Variants in CPAMD8 observed in about 807,000 individuals in gnomAD.
CPAMD8 encodes the protein C3 and PZP like alpha-2-macroglobulin domain containing 8, also known as C3 and PZP-like alpha-2-macroglobulin domain-containing protein 8.
A neutral mutation model predicts 224.7 loss-of-function variants in CPAMD8; 146 were observed. The observed-to-expected ratio is 0.65, with a 90% confidence interval of 0.57 to 0.75. The LOEUF is 0.75. Among genes scored for constraint, CPAMD8 ranks in the 30% least tolerant of loss-of-function variants. The pLI is 0.00. For synonymous variants in CPAMD8, 966 were observed against 1,044.6 expected (o/e 0.92, Z 1.45); for missense variants, 2,301 against 2,537.5 (o/e 0.91, Z 2.00).
chr19:17,012,264 C>T (rs1350631017), intron 3 of CPAMD8, among the ~76,000 whole-genome samples: 1 of 152,104 alleles, frequency 6.6e-6, no homozygotes, highest in Non-Finnish European at 1.5e-5. Flanking sequence ...AGCAATCCAT[C>T]TGCCTCAGCC....
At chr19:16,945,982 TACAAATATGTGTGTGC>T (rs2054063104) in intron 21 of CPAMD8, among the ~76,000 whole-genome samples, 1 of 151,998 alleles carries the variant, frequency 6.6e-6, no homozygotes, top group African/African-American at 2.4e-5. Context: ...TTTGTGTGTG[TACAAATATGTGTGTGC>T]ATATGCATGT....
chr19:16,995,337 G>A (rs909235155), intron 11 of CPAMD8, among the ~76,000 whole-genome samples: 3 of 152,198 alleles, frequency 2.0e-5, no homozygotes, highest in Admixed American at 1.3e-4. Flanking sequence ...GGGCTCTGTT[G>A]GCCTTGCCCC....
intron 17 of CPAMD8, among the ~76,000 whole-genome samples, chr19:16,974,132 T>G (rs2055167242): frequency 6.6e-6 from 1 of 151,332 alleles, no homozygotes; most frequent in African/African-American, 2.4e-5. Context: ...TCAGCCAGCA[T>G]TAGCCCTTTT....
intron 22 of CPAMD8, among the ~76,000 whole-genome samples, chr19:16,939,955 C>T (rs1248102625): frequency 1.3e-5 from 2 of 151,946 alleles, no homozygotes; most frequent in East Asian, 3.9e-4. Flanking sequence ...CTCTGTTGCC[C>T]AGGCTGGAGT....
In CPAMD8 at chr19:16,921,937, C is replaced by T. The variant is rs760983433; in HGVS notation, c.3597G>A (p.Ala1199=). 1.3e-5 allele frequency: 20 copies of T among 1,547,154 alleles called. No homozygotes were observed. In the East Asian group the frequency reaches 1.7e-4, roughly 13 times the overall value. ...TCCCCGATGCGTCCCGCTCCCCAAA[C>T]GCGCTGTAGGAGCCATCCTGGCGCT... ...TYKRQDGSYS[A]FGERDASGSM... The change falls in exon 27 of 42, where the codon GCG becomes GCA. Residue 1199 remains alanine (A), a synonymous_variant. Transcript: ENST00000443236.
intron 18 of CPAMD8, among the ~76,000 whole-genome samples, chr19:16,966,651 A>T (rs1475947436): frequency 6.6e-6 from 1 of 152,206 alleles, no homozygotes; most frequent in African/African-American, 2.4e-5. Flanking sequence ...TACAAGAAAA[A>T]AACAAACAAC....
intron 15 of CPAMD8, 66 bp downstream of exon 15, chr19:16,977,302 G>A (rs973390598): frequency 5.7e-6 from 6 of 1,058,948 alleles, no homozygotes; most frequent in African/African-American, 4.8e-5. Flanking sequence ...AGACCCCCTG[G>A]CCAGCACCTT....
intron 11 of CPAMD8, among the ~76,000 whole-genome samples, chr19:16,995,393 T>C (rs1052395856): frequency 6.6e-6 from 1 of 151,012 alleles, no homozygotes; most frequent in Non-Finnish European, 1.5e-5. Context: ...GGTTTGTTTT[T>C]GTTTTTTGTT....
chr19:16,896,547 C>A lies in CPAMD8; in HGVS notation c.5184G>T (p.Gly1728=). Residue 1728 remains glycine (G), a synonymous_variant, in exon 40 of 42, where the codon GGG becomes GGT. Transcript: ENST00000443236. ...AQGNPVCGSD[G]VVYASACRLR... is the part of the protein sequence containing the mutation. ...GGCGGCAGGCGCTGGCGTAGACCAC[C>A]CCGTCGGAGCCGCACACCGGGTTCC... is the stretch of plus-strand genomic sequence containing the variant. The A allele has an allele frequency of 6.7e-7, 1 of 1,497,602 alleles. No homozygotes were observed. The highest frequency in any genetic ancestry group is 8.8e-7 in the Non-Finnish European group (1 of 1,130,318). The allele number at this position is 1,497,602 out of a possible 1,614,324, so 92.8% of individuals were successfully genotyped here.
At chr19:17,015,731 G>T (rs1313145824) in intron 3 of CPAMD8, among the ~76,000 whole-genome samples, 1 of 152,206 alleles carries the variant, frequency 6.6e-6, no homozygotes, top group East Asian at 1.9e-4. Context: ...AGGGAGGAAA[G>T]GTCCCGGCCA....
At chr19:16,956,208 C>A (rs1303538099) in intron 19 of CPAMD8, among the ~76,000 whole-genome samples, 1 of 152,132 alleles carries the variant, frequency 6.6e-6, no homozygotes, top group Non-Finnish European at 1.5e-5. Context: ...CTCCTCAGCT[C>A]CTTCCATCTC....
intron 19 of CPAMD8, among the ~76,000 whole-genome samples, chr19:16,955,974 G>T (rs1033437272): frequency 6.6e-6 from 1 of 152,072 alleles, no homozygotes; most frequent in Non-Finnish European, 1.5e-5. Context: ...ACCACACCCC[G>T]CCTTTAAACG....
At chr19:17,018,029 TAAA>T (rs35265697) in intron 3 of CPAMD8, among the ~76,000 whole-genome samples, 3 of 132,892 alleles carry the variant, frequency 2.3e-5, no homozygotes, top group Admixed American at 7.7e-5. Context: ...CAAGACTGCT[TAAA>T]AAAAAAAAAA....
intron 41 of CPAMD8, chr19:16,895,925 A>AAGCGCG (rs1555750225): frequency 1.9e-6 from 1 of 530,042 alleles, no homozygotes; most frequent in East Asian, 3.4e-5. Flanking sequence ...ACACACACAC[A>AAGCGCG]CACGCGCGCG....
intron 29 of CPAMD8, among the ~76,000 whole-genome samples, chr19:16,909,552 AAAAC>A (rs566949609): frequency 6.6e-6 from 1 of 151,888 alleles, no homozygotes; most frequent in Non-Finnish European, 1.5e-5. Context: ...TCAAAAAGGG[AAAAC>A]AAACAAACAA....
In CPAMD8 at chr19:16,957,885, G is replaced by C. The variant is rs200427435; in HGVS notation, c.2244C>G (p.Pro748=). ...RTEKRKRTFF[P]ETWIWHCLNI... Reference sequence around the variant, plus strand: ...TGAGACAATGCCAAATCCATGTTTCGGGGAAGAAAGTCCTTTTTCTCTTCT... The same window carrying C: ...TGAGACAATGCCAAATCCATGTTTCCGGGAAGAAAGTCCTTTTTCTCTTCT... The change falls in exon 19 of 42, where the codon CCC becomes CCG. Residue 748 remains proline (P), a synonymous_variant. Transcript: ENST00000443236. The C allele has an allele frequency of 6.2e-7, 1 of 1,613,990 alleles. No homozygotes were observed. Among genetic ancestry groups the C allele is most frequent in the Non-Finnish European group, 8.5e-7 (1 of 1,179,974 alleles).
At chr19:16,986,391 C>A (rs1395930896) in intron 13 of CPAMD8, among the ~76,000 whole-genome samples, 3 of 152,078 alleles carry the variant, frequency 2.0e-5, no homozygotes, top group African/African-American at 7.2e-5. Flanking sequence ...GCCAGGTCTC[C>A]CCCTAATCAG....
chr19:16,972,531 C>T (rs2055100697), intron 17 of CPAMD8, among the ~76,000 whole-genome samples: 1 of 152,050 alleles, frequency 6.6e-6, no homozygotes, highest in South Asian at 2.1e-4. Flanking sequence ...CTCCCAGGTT[C>T]ATGCCATTCT....
Position 16,976,935 on chromosome 19 carries a change from G to A in CPAMD8, c.1758+433C>T, listed in dbSNP as rs369095305. On this transcript the variant is annotated intron_variant, in intron 15 of 41. Transcript: ENST00000443236. ...CACATGCCTGTAGTCTCAGCTACTC[G>A]GGAGGCTGAGGCCGGAGAATTGCTT... 2.0e-5 allele frequency among the ~76,000 whole-genome samples: 3 copies of A among 152,136 alleles called. No homozygotes were observed. In the East Asian group the frequency reaches 5.8e-4, roughly 29 times the overall value.
Sources: allele counts gnomAD v4.1 joint callset (sites outside exome capture counted in the v4.1 genomes callset), GRCh38; gene constraint gnomAD v4.1.1; transcripts MANE v1.5; gene names NCBI Gene and HGNC (gene_info 2026-07-23, HGNC 2026-07-21).